Variants in RELN observed in about 807,000 individuals in gnomAD.
The protein encoded by RELN is reelin.
In RELN, 108 loss-of-function variants were observed where a neutral mutation model predicts 427.6. That is an observed-to-expected ratio of 0.25 (90% CI 0.22 to 0.30). The LOEUF (loss-of-function observed/expected upper bound fraction) is 0.30. Among genes scored for constraint, RELN ranks in the 10% least tolerant of loss-of-function variants. The pLI is 1.00. For missense variants in RELN, 3,715 were observed against 4,302.8 expected, an observed-to-expected ratio of 0.86 and a Z score of 3.82; for synonymous variants, 1,524 against 1,513.4, an observed-to-expected ratio of 1.01 and a Z score of -0.16.
chr7:103,496,823 A>G, intron 55 of RELN, 55 bp from the exon 56 acceptor site: 1 of 1,590,974 alleles, frequency 6.3e-7, no homozygotes, highest in South Asian at 1.1e-5. Flanking sequence ...CTGCCTCCTC[A>G]TAAACCACCA....
chr7:103,630,848 TTTG>T (rs1333570868), intron 19 of RELN, among the ~76,000 whole-genome samples: 1,098 of 71,600 alleles, frequency 0.015, 10 homozygotes, highest in African/African-American at 0.055. Context: ...GAGTTATTTT[TTTG>T]TTTTTTTTGT....
At chr7:103,963,464 A>G (rs143489541) in intron 1 of RELN, among the ~76,000 whole-genome samples, 1 of 152,304 alleles carries the variant, frequency 6.6e-6, no homozygotes, top group African/African-American at 2.4e-5. Context: ...TATCTATGTT[A>G]TTTATCAAAA....
chr7:103,950,795 T>C (rs1356134351), intron 1 of RELN, among the ~76,000 whole-genome samples: 1 of 152,234 alleles, frequency 6.6e-6, no homozygotes, highest in Non-Finnish European at 1.5e-5. Flanking sequence ...CACCATGATC[T>C]ATTCCCCTTT....
At chr7:103,829,198 T>C (rs1793215297) in intron 3 of RELN, among the ~76,000 whole-genome samples, 1 of 151,994 alleles carries the variant, frequency 6.6e-6, no homozygotes, top group African/African-American at 2.4e-5. Flanking sequence ...ATATTATTAA[T>C]GTTGTAGTTG....
chr7:103,691,519 C>G (rs1833869662), intron 10 of RELN, among the ~76,000 whole-genome samples: 1 of 152,084 alleles, frequency 6.6e-6, no homozygotes, highest in South Asian at 2.1e-4. Flanking sequence ...AGCATTAAAA[C>G]AGTCATTCGT....
intron 3 of RELN, among the ~76,000 whole-genome samples, chr7:103,800,973 T>C (rs1792448818): frequency 6.6e-6 from 1 of 151,982 alleles, no homozygotes; most frequent in African/African-American, 2.4e-5. Context: ...AAAAGACACA[T>C]GAAAAAATGC....
intron 58 of RELN, 57 bp from the exon 59 acceptor site, chr7:103,490,886 AATGT>A: frequency 6.4e-7 from 1 of 1,557,082 alleles, no homozygotes. Context: ...ATAATCTGTT[AATGT>A]CAAGGTAATG....
chr7:103,848,251 G>A (rs1208882413), intron 2 of RELN, among the ~76,000 whole-genome samples: 1 of 152,160 alleles, frequency 6.6e-6, no homozygotes, highest in Non-Finnish European at 1.5e-5. Context: ...GAGAGCAGGA[G>A]AAACACAGCA....
intron 2 of RELN, among the ~76,000 whole-genome samples, chr7:103,878,896 T>C (rs976687688): frequency 6.6e-6 from 1 of 152,180 alleles, no homozygotes; most frequent in Non-Finnish European, 1.5e-5. Flanking sequence ...AGGCAGATAA[T>C]CAGAGTTTGG....
At chr7:103,827,013 T>G (rs1460781920) in intron 3 of RELN, among the ~76,000 whole-genome samples, 1 of 149,964 alleles carries the variant, frequency 6.7e-6, no homozygotes, top group African/African-American at 2.5e-5. Flanking sequence ...TTTTTTTTTT[T>G]GCTTCTAGAC....
At chr7:103,780,012 G>C (rs932674794) in intron 3 of RELN, among the ~76,000 whole-genome samples, 7 of 152,120 alleles carry the variant, frequency 4.6e-5, no homozygotes, top group African/African-American at 1.7e-4. Flanking sequence ...AGGTGTGAGC[G>C]ACCACACCCG....
At chr7:103,496,455 T>A in intron 56 of RELN, 71 bp downstream of exon 56, 1 of 1,596,310 alleles carries the variant, frequency 6.3e-7, no homozygotes, top group Non-Finnish European at 8.6e-7. Flanking sequence ...TTTCATGTGC[T>A]AATCTATCTG....
intron 3 of RELN, among the ~76,000 whole-genome samples, chr7:103,825,343 C>T (rs2116384047): frequency 6.6e-6 from 1 of 152,120 alleles, no homozygotes; most frequent in Non-Finnish European, 1.5e-5. Flanking sequence ...AAGTCCTGGG[C>T]ACTGTAAGGG....
intron 1 of RELN, among the ~76,000 whole-genome samples, chr7:103,973,040 G>C (rs1011987957): frequency 2.0e-5 from 3 of 152,152 alleles, no homozygotes; most frequent in African/African-American, 7.2e-5. Flanking sequence ...GAGAGTATTA[G>C]AATCCCAAAA....
chr7:103,810,980 C>G (rs1242279101), intron 3 of RELN, among the ~76,000 whole-genome samples: 3 of 152,178 alleles, frequency 2.0e-5, no homozygotes, highest in African/African-American at 7.2e-5. Context: ...CCCATAGTTA[C>G]TTAAGCACTT....
Position 103,651,789 on chromosome 7 carries a change from A to G in RELN, c.1764T>C (p.Ser588=), listed in dbSNP as rs768603374. ...LGCGTHQPGN[S]VSLEFSTNHG... The stretch of plus-strand genomic sequence containing the variant: ...GGTTGGTAGAAAATTCCAAGCTGAC[A>G]CTAATAAAACCAGAACAAGCACACA... Residue 588 remains serine (S), a splice_region_variant and synonymous_variant, in exon 15 of 65, where the codon AGT becomes AGC. Transcript: ENST00000428762. 6.2e-7 allele frequency: 1 copy of G among 1,611,278 alleles called. No homozygotes were observed. Among genetic ancestry groups the G allele is most frequent in the Non-Finnish European group, 8.5e-7 (1 of 1,178,324 alleles).
intron 20 of RELN, among the ~76,000 whole-genome samples, chr7:103,628,733 G>A (rs1832384586): frequency 1.3e-5 from 2 of 152,124 alleles, no homozygotes; most frequent in Non-Finnish European, 2.9e-5. Flanking sequence ...GAATTAAATT[G>A]GTCTGACCAT....
chr7:103,843,530 T>C (rs1211817472), intron 2 of RELN, among the ~76,000 whole-genome samples: 1 of 152,124 alleles, frequency 6.6e-6, no homozygotes, highest in Non-Finnish European at 1.5e-5. Context: ...AGAAACCCTG[T>C]CCAAATCCAG....
intron 4 of RELN, among the ~76,000 whole-genome samples, chr7:103,764,514 G>A (rs1791380528): frequency 6.6e-6 from 1 of 151,992 alleles, no homozygotes; most frequent in African/African-American, 2.4e-5. Flanking sequence ...AATTATAGGT[G>A]TGAGTGAGTT....
Sources: allele counts gnomAD v4.1 joint callset (sites outside exome capture counted in the v4.1 genomes callset), GRCh38; gene constraint gnomAD v4.1.1; transcripts MANE v1.5; gene names NCBI Gene and HGNC (gene_info 2026-07-23, HGNC 2026-07-21).